The following IL1R2 variants were observed in gnomAD, a reference collection of about 807,000 sequenced individuals.
IL1R2 encodes the protein interleukin-1 receptor type 2.
A neutral mutation model predicts 39.5 loss-of-function variants in IL1R2; 46 were observed. The ratio of observed to expected loss-of-function variants is 1.16; its 90% CI spans 0.92 to 1.49. The LOEUF is 1.49. Ranked by LOEUF, IL1R2 falls within the 40% of genes most tolerant of loss-of-function variation. IL1R2 has a pLI of 0.00. For synonymous variants in IL1R2, 207 were observed against 189.6 expected (o/e 1.09, Z -0.75); for missense variants, 537 against 502.0 (o/e 1.07, Z -0.67).
chr2:102,008,597 G>C lies in IL1R2; in HGVS notation c.22G>C (p.Val8Leu). 2 of 1,614,116 alleles carry C rather than the reference G, an allele frequency of 1.2e-6. No individual in the cohort carries two copies. The highest frequency in any genetic ancestry group is 1.7e-6 in the Non-Finnish European group (2 of 1,179,990). MLRLYVL[V>L]MGVSAFTLQP... ...AGCAATGTTGCGCTTGTACGTGTTG[G>C]TAATGGGAGTTTCTGCCTTCACCCT... Residue 8 changes from valine to leucine, a missense_variant, in exon 2 of 9, where the codon GTA becomes CTA. Val to Leu is a conservative substitution (Grantham distance 32). Transcript: ENST00000332549.
chr2:101,997,793 ATTC>A (rs1675663793), intron 1 of IL1R2, among the ~76,000 whole-genome samples: 1 of 152,176 alleles, frequency 6.6e-6, no homozygotes, highest in Admixed American at 6.5e-5. Flanking sequence ...CAGAGCAAAA[ATTC>A]TTCTGCATCC....
intron 3 of IL1R2, 120 bp downstream of exon 3, chr2:102,009,946 C>A: frequency 8.7e-7 from 1 of 1,155,534 alleles, no homozygotes; most frequent in Non-Finnish European, 1.2e-6. Flanking sequence ...AGTGAATCCA[C>A]ATTGCATCCC....
In IL1R2 at chr2:102,016,008, A is replaced by T; in HGVS notation, c.470A>T (p.Glu157Val). The change falls in exon 4 of 9, where the codon GAA becomes GTA. Residue 157 changes from glutamate (E) to valine (V), a missense_variant. Transcript: ENST00000332549. ...GTATTAGTATGCCCTGACCTGAGTG[A>T]ATTCACCCGTGACAAAACTGACGTG... ...SGVLVCPDLS[E>V]FTRDKTDVKI... is the part of the protein sequence containing the mutation. The T allele has an allele frequency of 6.2e-7, 1 of 1,614,072 alleles. No homozygotes were observed. Among genetic ancestry groups the T allele is most frequent in the African/African-American group, 1.3e-5 (1 of 75,042 alleles).
chr2:101,995,385 G>A (rs1205855616), intron 1 of IL1R2, among the ~76,000 whole-genome samples: 2 of 152,168 alleles, frequency 1.3e-5, no homozygotes, highest in African/African-American at 2.4e-5. Flanking sequence ...TGTAGGAGCC[G>A]AGAGTGGCCT....
intron 5 of IL1R2, among the ~76,000 whole-genome samples, chr2:102,020,021 G>T (rs972792239): frequency 6.6e-6 from 1 of 152,202 alleles, no homozygotes; most frequent in African/African-American, 2.4e-5. Context: ...GAGAACAGGT[G>T]AACGAATTGG....
intron 3 of IL1R2, among the ~76,000 whole-genome samples, chr2:102,010,955 G>A (rs1676593254): frequency 6.6e-6 from 1 of 152,028 alleles, no homozygotes. Flanking sequence ...TGATTTTGAC[G>A]ACTCTAGGTA....
intron 6 of IL1R2, chr2:102,023,540 C>T (rs1225339252): frequency 6.6e-6 from 1 of 152,164 alleles, no homozygotes; most frequent in Admixed American, 6.5e-5. Flanking sequence ...TGGAGAACGG[C>T]TGGCATTCTC....
chr2:102,002,782 A>ATCTATGTTTATATCTATATCTATG (rs1553613531), intron 1 of IL1R2, among the ~76,000 whole-genome samples: 4,735 of 146,812 alleles, frequency 0.032, 148 homozygotes, highest in African/African-American at 0.075. Context: ...CTATATCTAT[A>ATCTATGTTTATATCTATATCTATG]TCTATATCTG....
chr2:102,013,407 G>T (rs3218881), intron 3 of IL1R2, among the ~76,000 whole-genome samples: 1 of 151,438 alleles, frequency 6.6e-6, no homozygotes, highest in Non-Finnish European at 1.5e-5. Context: ...CTAGAACCAC[G>T]TGGTGAGTCA....
chr2:102,016,696 C>T (rs150638381), intron 4 of IL1R2, among the ~76,000 whole-genome samples: 2 of 152,264 alleles, frequency 1.3e-5, no homozygotes, highest in East Asian at 3.9e-4. Context: ...TGTTAAGTGA[C>T]ACATGACTGT....
intron 1 of IL1R2, among the ~76,000 whole-genome samples, chr2:102,007,402 T>TA (rs1676336368): frequency 6.6e-6 from 1 of 152,166 alleles, no homozygotes; most frequent in South Asian, 2.1e-4. Context: ...CCGTAGGGGA[T>TA]ATAGGGAAAA....
Position 102,011,043 on chromosome 2 carries a change from G to A in IL1R2, c.332+1217G>A, listed in dbSNP as rs538451713. 3.3e-5 allele frequency among the ~76,000 whole-genome samples: 5 copies of A among 152,300 alleles called. No homozygotes were observed. The South Asian group carries it at 1.0e-3, about 32-fold the overall frequency. ...ACTTAGCATAGTGTTTTCAAGGTTC[G>A]TTCATGTTGTAGCATGAGTCAGAGT... On this transcript the variant is annotated intron_variant, in intron 3 of 8. Transcript: ENST00000332549.
intron 6 of IL1R2, among the ~76,000 whole-genome samples, chr2:102,024,267 C>T (rs112683386): frequency 6.6e-6 from 1 of 152,166 alleles, no homozygotes; most frequent in African/African-American, 2.4e-5. Context: ...CCCGTGGGAG[C>T]GCAGGGGCCC....
chr2:101,995,602 A>G (rs1675550651), intron 1 of IL1R2, among the ~76,000 whole-genome samples: 1 of 152,208 alleles, frequency 6.6e-6, no homozygotes, highest in Admixed American at 6.5e-5. Context: ...CTGGTGTGTT[A>G]CACGGCAATA....
intron 3 of IL1R2, among the ~76,000 whole-genome samples, chr2:102,010,970 G>T (rs964424094): frequency 1.3e-5 from 2 of 152,088 alleles, no homozygotes; most frequent in Non-Finnish European, 2.9e-5. Flanking sequence ...TAGGTACCTC[G>T]TTTAAATCGT....
chr2:102,022,023 G>A (rs1246638407), intron 5 of IL1R2, 164 bp from the exon 6 acceptor site: 6 of 634,298 alleles, frequency 9.5e-6, no homozygotes, highest in South Asian at 1.9e-5. Flanking sequence ...AAGGATGCTC[G>A]ATTTTGTAGA....
chr2:102,009,646 C>T lies in IL1R2; in HGVS notation c.152C>T (p.Pro51Leu). Residue 51 changes from proline to leucine, a missense_variant, in exon 3 of 9, where the codon CCC (proline) becomes CTC (leucine). Transcript: ENST00000332549. Reference sequence around the variant, plus strand: ...GGGGAGCCTGTAGCCCTGAGGTGCCCCCAGGTGCCCTACTGGTTGTGGGCC... The same window carrying T: ...GGGGAGCCTGTAGCCCTGAGGTGCCTCCAGGTGCCCTACTGGTTGTGGGCC... ...LEGEPVALRC[P>L]QVPYWLWASV... The T allele has an allele frequency of 6.2e-7, 1 of 1,614,184 alleles. No individual in the cohort carries two copies. Among genetic ancestry groups the T allele is most frequent in the Non-Finnish European group, 8.5e-7 (1 of 1,180,032 alleles).
intron 6 of IL1R2, among the ~76,000 whole-genome samples, chr2:102,024,070 A>AAAAC (rs1677574924): frequency 1.3e-5 from 2 of 151,542 alleles, no homozygotes; most frequent in African/African-American, 4.9e-5. Flanking sequence ...AAAACAAAAC[A>AAAAC]AAAAAAACAC....
intron 5 of IL1R2, among the ~76,000 whole-genome samples, chr2:102,020,894 G>C (rs910821204): frequency 2.0e-5 from 3 of 152,184 alleles, no homozygotes; most frequent in Non-Finnish European, 2.9e-5. Context: ...CATCACCTGG[G>C]TACTCAACAG....
Sources: allele counts gnomAD v4.1 joint callset (sites outside exome capture counted in the v4.1 genomes callset), GRCh38; gene constraint gnomAD v4.1.1; transcripts MANE v1.5; gene names NCBI Gene and HGNC (gene_info 2026-07-23, HGNC 2026-07-21).